Variants in FSHR observed in about 807,000 individuals in gnomAD.
The protein encoded by FSHR is follicle stimulating hormone receptor.
Under a neutral mutation model 52.1 loss-of-function variants are expected in FSHR, and 46 were observed. The ratio of observed to expected loss-of-function variants is 0.88; its 90% confidence interval spans 0.70 to 1.13. The LOEUF (loss-of-function observed/expected upper bound fraction) is 1.13. Among genes scored for constraint, FSHR ranks in the 50% most tolerant of loss-of-function variants. The pLI, the probability that FSHR is intolerant of heterozygous loss-of-function variation, is 0.00. For missense variants in FSHR, 964 were observed against 834.6 expected (o/e 1.16, Z -1.91); for synonymous variants, 399 against 309.6 (o/e 1.29, Z -3.03).
intron 1 of FSHR, among the ~76,000 whole-genome samples, chr2:49,074,898 A>T (rs1163688847): frequency 1.3e-5 from 2 of 152,132 alleles, no homozygotes; most frequent in Non-Finnish European, 2.9e-5. Flanking sequence ...ACATGGGTGG[A>T]ATTGGAGGAC....
intron 1 of FSHR, among the ~76,000 whole-genome samples, chr2:49,085,968 G>T (rs75668303): frequency 1.1e-3 from 163 of 151,060 alleles, no homozygotes; most frequent in Non-Finnish European, 1.8e-3. Context: ...CTGTTGTGGG[G>T]GGGGGGAGTG....
chr2:49,124,367 G>T (rs2103788188), intron 1 of FSHR, among the ~76,000 whole-genome samples: 1 of 151,844 alleles, frequency 6.6e-6, no homozygotes, highest in East Asian at 1.9e-4. Flanking sequence ...TATCCTAGGT[G>T]GTATCAGAAA....
At chr2:49,100,967 A>G (rs1265862823) in intron 1 of FSHR, among the ~76,000 whole-genome samples, 1 of 152,192 alleles carries the variant, frequency 6.6e-6, no homozygotes, top group African/African-American at 2.4e-5. Flanking sequence ...GGAAGTAGAG[A>G]ATTTTTAAAA....
intron 2 of FSHR, among the ~76,000 whole-genome samples, chr2:49,036,249 T>C (rs1401984135): frequency 6.6e-6 from 1 of 152,146 alleles, no homozygotes. Context: ...TCAAGGAAAT[T>C]ATTTTTCTTC....
rs142971524 is a variant in FSHR at position 49,087,555 on chromosome 2, A to T, written c.153-19265T>A. On this transcript the variant is annotated intron_variant, in intron 1 of 9. Transcript: ENST00000406846. Reference sequence around the variant, plus strand: ...GTTCTAGCCAGAGAAATAGGCAATCAGAAATAGTTTGAAAAAATAAAAGCA... The same window carrying T: ...GTTCTAGCCAGAGAAATAGGCAATCTGAAATAGTTTGAAAAAATAAAAGCA... 3.2e-4 allele frequency among the ~76,000 whole-genome samples: 49 copies of T among 152,364 alleles called. 1 individual carries two copies. Among genetic ancestry groups the T allele is most frequent in the African/African-American group, 1.2e-3 (49 of 41,592 alleles).
chr2:48,996,705 CAG>C (rs1676038515), intron 4 of FSHR, among the ~76,000 whole-genome samples: 1 of 152,068 alleles, frequency 6.6e-6, no homozygotes. Context: ...TGGCAGAATG[CAG>C]AGTCATTCAA....
chr2:49,138,350 A>T (rs1320883197), intron 1 of FSHR, among the ~76,000 whole-genome samples: 1 of 152,200 alleles, frequency 6.6e-6, no homozygotes, highest in African/African-American at 2.4e-5. Context: ...TTGCACTCCT[A>T]GGTATACACC....
intron 4 of FSHR, among the ~76,000 whole-genome samples, chr2:48,991,104 C>A (rs552666641): frequency 6.7e-6 from 1 of 149,784 alleles, no homozygotes; most frequent in African/African-American, 2.5e-5. Flanking sequence ...CAATCAGACT[C>A]TCTCCTGGGA....
intron 6 of FSHR, among the ~76,000 whole-genome samples, chr2:48,986,618 C>G (rs753371613): frequency 1.3e-5 from 2 of 152,160 alleles, no homozygotes; most frequent in Non-Finnish European, 2.9e-5. Flanking sequence ...GAAACATTCA[C>G]TCTTAAAAGA....
intron 1 of FSHR, among the ~76,000 whole-genome samples, chr2:49,088,373 G>A (rs1476898145): frequency 6.6e-6 from 1 of 152,168 alleles, no homozygotes; most frequent in African/African-American, 2.4e-5. Flanking sequence ...GAAACACAAA[G>A]ATGCCCCAAG....
chr2:49,121,581 G>T lies in FSHR; in HGVS notation c.152+32685C>A, dbSNP rs958432986. On this transcript the variant is annotated intron_variant, in intron 1 of 9. Transcript: ENST00000406846. Reference sequence around the variant, plus strand: ...TTCTTTAGGGGCTTTCCCATACCTAGCTGAGGTTCTGTGTATCAGTGACAG... The same window carrying T: ...TTCTTTAGGGGCTTTCCCATACCTATCTGAGGTTCTGTGTATCAGTGACAG... 2.0e-5 allele frequency among the ~76,000 whole-genome samples: 3 copies of T among 152,194 alleles called. No individual in the cohort carries two copies. The South Asian group carries it at 6.2e-4, about 32-fold the overall frequency.
intron 1 of FSHR, among the ~76,000 whole-genome samples, chr2:49,149,304 G>A (rs1672978341): frequency 6.6e-6 from 1 of 151,972 alleles, no homozygotes; most frequent in Non-Finnish European, 1.5e-5. Flanking sequence ...CTATACTTCA[G>A]AACCATCTCC....
chr2:48,980,401 T>G (rs927244471), intron 8 of FSHR, among the ~76,000 whole-genome samples: 2 of 152,246 alleles, frequency 1.3e-5, no homozygotes, highest in Non-Finnish European at 2.9e-5. Context: ...TTGCTTCCGA[T>G]GCTTTCACAG....
chr2:49,140,679 G>A (rs1227027575), intron 1 of FSHR, among the ~76,000 whole-genome samples: 2 of 151,544 alleles, frequency 1.3e-5, no homozygotes, highest in Non-Finnish European at 2.9e-5. Flanking sequence ...CATCCAGCCT[G>A]GGCGACAGAG....
chr2:49,091,133 ATT>A (rs77991770), intron 1 of FSHR, among the ~76,000 whole-genome samples: 7,812 of 148,124 alleles, frequency 0.053, 455 homozygotes, highest in East Asian at 0.22. Context: ...CCAACTTACC[ATT>A]TTTTTTTTAA....
At chr2:48,989,198 C>T in intron 5 of FSHR, 144 bp from the exon 6 acceptor site, 1 of 622,686 alleles carries the variant, frequency 1.6e-6, no homozygotes, top group South Asian at 1.9e-5. Context: ...ATGATCAGCT[C>T]AAAGTTTGGA....
At chr2:49,036,801 G>A (rs531630039) in intron 2 of FSHR, among the ~76,000 whole-genome samples, 81 of 152,270 alleles carry the variant, frequency 5.3e-4, no homozygotes, top group African/African-American at 1.7e-3. Context: ...GTGATGTTGC[G>A]AGTTCTGGCT....
intron 8 of FSHR, among the ~76,000 whole-genome samples, chr2:48,971,649 C>A (rs1674746893): frequency 6.6e-6 from 1 of 152,170 alleles, no homozygotes; most frequent in South Asian, 2.1e-4. Context: ...TATATACTTA[C>A]TGATTTTTTT....
At chr2:48,983,246 A>T in intron 6 of FSHR, 80 bp from the exon 7 acceptor site, 1 of 1,307,196 alleles carries the variant, frequency 7.6e-7, no homozygotes, top group Non-Finnish European at 1.1e-6. Flanking sequence ...AGCACTGAGC[A>T]AGGGCAGACA....
Sources: allele counts gnomAD v4.1 joint callset (sites outside exome capture counted in the v4.1 genomes callset), GRCh38; gene constraint gnomAD v4.1.1; transcripts MANE v1.5; gene names NCBI Gene and HGNC (gene_info 2026-07-23, HGNC 2026-07-21).